The following AP2B1 variants were observed in gnomAD, a reference collection of about 807,000 sequenced individuals.
AP2B1 encodes the protein AP-2 complex subunit beta.
In AP2B1, 23 loss-of-function variants were observed where a neutral mutation model predicts 102.0. The observed-to-expected ratio is 0.23, with a 90% CI of 0.16 to 0.32. AP2B1 has a LOEUF of 0.32. Ranked by LOEUF, AP2B1 falls within the 10% of genes least tolerant of loss-of-function variation. AP2B1 has a pLI of 1.00. For synonymous variants in AP2B1, 381 were observed against 421.2 expected (o/e 0.90, Z 1.17); for missense variants, 541 against 1,157.4 (o/e 0.47, Z 7.73).
chr17:35,681,895 G>C (rs2075829718), intron 17 of AP2B1, among the ~76,000 whole-genome samples: 4 of 152,110 alleles, frequency 2.6e-5, no homozygotes, highest in African/African-American at 9.7e-5. Flanking sequence ...ATGGAAAACA[G>C]AAAATTATGA....
intron 14 of AP2B1, among the ~76,000 whole-genome samples, chr17:35,659,149 T>C (rs2075302829): frequency 6.6e-6 from 1 of 152,226 alleles, no homozygotes; most frequent in South Asian, 2.1e-4. Context: ...AATATTTAAA[T>C]GTTCATGGAG....
At chr17:35,629,894 C>T in intron 9 of AP2B1, among the ~76,000 whole-genome samples, 1 of 152,196 alleles carries the variant, frequency 6.6e-6, no homozygotes, top group East Asian at 1.9e-4. Context: ...CAGCAGTCCT[C>T]CATTTGTTTG....
intron 14 of AP2B1, among the ~76,000 whole-genome samples, chr17:35,664,169 ATTC>A (rs2075413551): frequency 1.3e-5 from 2 of 152,240 alleles, no homozygotes; most frequent in South Asian, 2.1e-4. Flanking sequence ...ATGTGCAGGC[ATTC>A]TTCTTCTGAA....
intron 18 of AP2B1, among the ~76,000 whole-genome samples, chr17:35,708,926 A>G (rs1555586072): frequency 6.6e-6 from 1 of 152,224 alleles, no homozygotes; most frequent in East Asian, 1.9e-4. Context: ...GGTAGCAGCT[A>G]CTATTAATAA....
rs151201529 is a variant in AP2B1, at chr17:35,626,856, G to C, written c.938+14G>C. 6.2e-7 allele frequency: 1 copy of C among 1,607,906 alleles called. No individual in the cohort carries two copies. Among genetic ancestry groups the C allele is most frequent in the Admixed American group, 1.7e-5 (1 of 59,920 alleles). On this transcript the variant is annotated intron_variant, in intron 7 of 21. Coordinates refer to ENST00000610402, the MANE Select transcript of AP2B1 (RefSeq NM_001030006.2). ...TGTCCAGAAAAGGTTGGGAAATAGC[G>C]AAGTGTTGATTAAAGTGTTTGTAAT...
chr17:35,652,537 TAA>T (rs2075113541), intron 13 of AP2B1, among the ~76,000 whole-genome samples: 1 of 152,188 alleles, frequency 6.6e-6, no homozygotes, highest in Non-Finnish European at 1.5e-5. Flanking sequence ...GGTGAGGTAG[TAA>T]ATAGTTGTCT....
chr17:35,681,140 C>T (rs2075815488), intron 17 of AP2B1, among the ~76,000 whole-genome samples: 1 of 152,150 alleles, frequency 6.6e-6, no homozygotes, highest in African/African-American at 2.4e-5. Context: ...CTGGATAAAA[C>T]TGGTAGCTAT....
chr17:35,709,084 A>C, intron 18 of AP2B1, 140 bp from the exon 19 acceptor site: 1 of 695,366 alleles, frequency 1.4e-6, no homozygotes, highest in South Asian at 1.7e-5. Flanking sequence ...TATATGGGCC[A>C]GTTTGTTTGA....
At chr17:35,605,677 C>CA (rs776893799) in intron 3 of AP2B1, 28 bp from the exon 4 acceptor site, 1 of 1,557,670 alleles carries the variant, frequency 6.4e-7, no homozygotes, top group Non-Finnish European at 8.8e-7. Context: ...TGCTTACTTT[C>CA]CTTTTCTCTT....
rs765060464 is a variant in AP2B1, at chr17:35,657,724, A to G, written c.1922A>G (p.Asn641Ser). The change falls in exon 14 of 22, where the codon AAT becomes AGT. Residue 641 changes from asparagine (N) to serine (S), a missense_variant. Coordinates refer to ENST00000610402, the MANE Select transcript of AP2B1 (RefSeq NM_001030006.2). ...AACCTTGACCTCGGTCCCCCAGTCA[A>G]TGTGCCACAGGTGTCCTCCATGCAG... is the stretch of plus-strand genomic sequence containing the variant. ...LLNLDLGPPV[N>S]VPQVSSMQMG... The G allele has an allele frequency of 7.9e-5, 128 of 1,614,048 alleles. No individual in the cohort carries two copies. The highest frequency in any genetic ancestry group is 2.2e-4 in the Admixed American group (13 of 60,004).
chr17:35,675,835 A>C (rs1251648606), intron 17 of AP2B1, among the ~76,000 whole-genome samples: 4 of 152,130 alleles, frequency 2.6e-5, no homozygotes, highest in Admixed American at 6.6e-5. Context: ...AATCGTTAAA[A>C]AAAATCATCA....
intron 12 of AP2B1, among the ~76,000 whole-genome samples, chr17:35,643,506 A>C (rs1200058966): frequency 6.6e-6 from 1 of 152,210 alleles, no homozygotes; most frequent in Non-Finnish European, 1.5e-5. Context: ...AATTCTGGCC[A>C]GACTTCAAAC....
intron 16 of AP2B1, among the ~76,000 whole-genome samples, chr17:35,673,643 A>G (rs2075638209): frequency 6.6e-6 from 1 of 152,248 alleles, no homozygotes; most frequent in Admixed American, 6.5e-5. Flanking sequence ...ACCACAAACT[A>G]TAGCAAGAGT....
intron 18 of AP2B1, among the ~76,000 whole-genome samples, chr17:35,683,747 G>A (rs1016161519): frequency 6.6e-6 from 1 of 152,310 alleles, no homozygotes; most frequent in Admixed American, 6.5e-5. Flanking sequence ...GTTGCTAGCG[G>A]TTATGGTTTT....
intron 9 of AP2B1, among the ~76,000 whole-genome samples, chr17:35,633,205 C>T (rs780685679): frequency 5.9e-5 from 9 of 151,890 alleles, no homozygotes; most frequent in Admixed American, 2.0e-4. Flanking sequence ...ACTAAAAATA[C>T]AAAAATTAGC....
At chr17:35,717,641 A>C (rs1218542308) in intron 21 of AP2B1, among the ~76,000 whole-genome samples, 1 of 152,208 alleles carries the variant, frequency 6.6e-6, no homozygotes, top group Admixed American at 6.5e-5. Context: ...AATATCAGTT[A>C]ATACATATCT....
At chr17:35,625,827 T>G (rs570954966) in intron 6 of AP2B1, among the ~76,000 whole-genome samples, 1 of 152,174 alleles carries the variant, frequency 6.6e-6, no homozygotes, top group East Asian at 1.9e-4. Flanking sequence ...GAAGGTGGCA[T>G]TCATATAAAG....
chr17:35,658,255 G>A (rs1356964945), intron 14 of AP2B1, among the ~76,000 whole-genome samples: 3 of 146,640 alleles, frequency 2.0e-5, no homozygotes, highest in Non-Finnish European at 4.5e-5. Context: ...GAAAGGTTTT[G>A]AGGCAGCCTT....
At chr17:35,633,898 G>A (rs1271587822) in intron 9 of AP2B1, among the ~76,000 whole-genome samples, 1 of 152,134 alleles carries the variant, frequency 6.6e-6, no homozygotes, top group Non-Finnish European at 1.5e-5. Flanking sequence ...TGTAATACTA[G>A]CACTTTGGGA....
Sources: allele counts gnomAD v4.1 joint callset (sites outside exome capture counted in the v4.1 genomes callset), GRCh38; gene constraint gnomAD v4.1.1; transcripts MANE v1.5; gene names NCBI Gene and HGNC (gene_info 2026-07-23, HGNC 2026-07-21).